Variants in USP47 observed in about 807,000 individuals in gnomAD.
USP47 encodes ubiquitin specific peptidase 47.
Under a neutral mutation model 165.1 loss-of-function variants are expected in USP47, and 35 were observed. That is an observed-to-expected ratio of 0.21 (90% confidence interval 0.16 to 0.28). USP47 has a LOEUF of 0.28. Ranked by LOEUF, USP47 falls within the 10% of genes least tolerant of loss-of-function variation. The pLI, the probability that USP47 is intolerant of heterozygous loss-of-function variation, is 1.00. For missense variants in USP47, 1,277 were observed against 1,607.4 expected (o/e 0.79, Z 3.52); for synonymous variants, 531 against 544.5 (o/e 0.98, Z 0.35).
At chr11:11,843,008 A>G (rs1374659786) in intron 1 of USP47, among the ~76,000 whole-genome samples, 2 of 152,178 alleles carry the variant, frequency 1.3e-5, no homozygotes, top group Non-Finnish European at 2.9e-5. Flanking sequence ...TCAACGTATT[A>G]ATAGTATCTC....
rs1189532364 is a variant in USP47, at chr11:11,920,412, C to A, written c.1136C>A (p.Thr379Asn). Residue 379 changes from threonine to asparagine, a missense_variant, in exon 10 of 28, where the codon ACC becomes AAC. Transcript: ENST00000527733. Reference protein sequence around the residue: ...QLKRFDFDYTTMHRIKLNDRM... With the variant: ...QLKRFDFDYTNMHRIKLNDRM... Reference sequence around the variant, plus strand: ...AAAAGATTCGATTTTGATTATACAACCATGCATAGGATTAAACTGAATGAT... The same window carrying A: ...AAAAGATTCGATTTTGATTATACAAACATGCATAGGATTAAACTGAATGAT... 1.9e-6 allele frequency: 3 copies of A among 1,611,338 alleles called. No homozygotes were observed. Among genetic ancestry groups the A allele is most frequent in the Non-Finnish European group, 2.5e-6 (3 of 1,178,382 alleles).
rs2134968733 is a variant in USP47, at chr11:11,961,866, A to G, written c.*5691A>G. Among the ~76,000 whole-genome samples the G allele has an allele frequency of 6.6e-6, 1 of 152,250 alleles. No individual in the cohort carries two copies. The highest frequency in any genetic ancestry group is 6.5e-5 in the Admixed American group (1 of 15,296). The stretch of plus-strand genomic sequence containing the variant: ...GAGAGCAGCAGCAAGGTATTCAAGC[A>G]CCACCTCCACCCAGCCCCTCCCACA... On this transcript the variant is annotated 3_prime_UTR_variant, in exon 28 of 28. Coordinates refer to ENST00000527733, the MANE Select transcript of USP47 (RefSeq NM_001282659.2).
intron 20 of USP47, 71 bp from the exon 21 acceptor site, chr11:11,947,874 A>T: frequency 6.8e-7 from 1 of 1,476,770 alleles, no homozygotes; most frequent in Non-Finnish European, 9.1e-7. Flanking sequence ...AAAGTATATG[A>T]TCTGTTTTAT....
intron 8 of USP47, among the ~76,000 whole-genome samples, chr11:11,909,525 A>C (rs1353366455): frequency 6.6e-6 from 1 of 152,216 alleles, no homozygotes; most frequent in African/African-American, 2.4e-5. Context: ...ACATTATCTA[A>C]GGAAGTGCTT....
Position 11,958,332 on chromosome 11 carries a change from A to G in USP47, c.*2157A>G, listed in dbSNP as rs1233377767. ...AGATACAAATAAGAGTAAAGAAAAT[A>G]TATTTCATTATAGAAAAGAAAAAAT... is the stretch of plus-strand genomic sequence containing the variant. On this transcript the variant is annotated 3_prime_UTR_variant, in exon 28 of 28. Transcript: ENST00000527733. 2 of 152,162 alleles carry G rather than the reference A, an allele frequency of 1.3e-5. No homozygotes were observed. The highest frequency in any genetic ancestry group is 2.9e-5 in the Non-Finnish European group (2 of 68,042). The allele number at this position is 152,162 out of a possible 1,614,324, so 9.4% of individuals were successfully genotyped here. A position where few individuals can be genotyped will look rare whatever the true frequency, so the allele number is the denominator to read the frequency against.
At chr11:11,857,023 T>G (rs780279345) in intron 1 of USP47, among the ~76,000 whole-genome samples, 5 of 152,176 alleles carry the variant, frequency 3.3e-5, no homozygotes, top group Non-Finnish European at 5.9e-5. Flanking sequence ...ATTTGAGAAT[T>G]AATGGAATCT....
At position 11,956,058 on chromosome 11, in the gene USP47, AAAAG is replaced by A; in HGVS notation, c.3956_3959del (p.Glu1319AlafsTer11). ...ATGAGCAAAGAAATGAACTGATGAA[AAAAG>A]AAAGCAGTCGACTCCAGAAGACTGG... On this transcript the variant is annotated frameshift_variant, in exon 28 of 28. Transcript: ENST00000527733. LOFTEE classifies it high-confidence loss of function. 5 of 1,603,020 alleles carry A rather than the reference AAAAG, an allele frequency of 3.1e-6. No individual in the cohort carries two copies. Among genetic ancestry groups the A allele is most frequent in the Non-Finnish European group, 4.2e-6 (5 of 1,176,944 alleles).
chr11:11,952,164 A>G (rs1856267360), intron 24 of USP47: 1 of 152,232 alleles, frequency 6.6e-6, no homozygotes, highest in African/African-American at 2.4e-5. Context: ...AGAACTGCAA[A>G]CCTGTCATTC....
intron 5 of USP47, among the ~76,000 whole-genome samples, chr11:11,901,909 A>G (rs1852252073): frequency 6.6e-6 from 1 of 151,480 alleles, no homozygotes; most frequent in South Asian, 2.1e-4. Context: ...CAGTGAGCCA[A>G]GATCATCCCA....
At chr11:11,870,436 G>C (rs187186041) in intron 1 of USP47, among the ~76,000 whole-genome samples, 11 of 152,052 alleles carry the variant, frequency 7.2e-5, no homozygotes, top group Admixed American at 7.2e-4. Context: ...CTATATTTTT[G>C]CTGTCTGTAT....
intron 1 of USP47, among the ~76,000 whole-genome samples, chr11:11,871,951 A>T (rs576209833): frequency 6.6e-6 from 1 of 152,298 alleles, no homozygotes; most frequent in African/African-American, 2.4e-5. Flanking sequence ...CACCAACAGG[A>T]TTGGAATGTT....
intron 12 of USP47, 151 bp from the exon 13 acceptor site, chr11:11,929,893 T>C (rs1854524968): frequency 5.8e-6 from 4 of 692,694 alleles, no homozygotes; most frequent in Middle Eastern, 7.8e-4. Context: ...AGCCACTGAT[T>C]ATGATTAAAT....
At chr11:11,942,265 A>G in intron 19 of USP47, 70 bp from the exon 20 acceptor site, 3 of 1,452,520 alleles carry the variant, frequency 2.1e-6, no homozygotes, top group Non-Finnish European at 1.9e-6. Flanking sequence ...TATTGATGCA[A>G]TATAATGATG....
intron 16 of USP47, among the ~76,000 whole-genome samples, chr11:11,935,729 TA>T (rs1287672250): frequency 6.6e-6 from 1 of 151,976 alleles, no homozygotes; most frequent in Non-Finnish European, 1.5e-5. Flanking sequence ...ATTGGTGACA[TA>T]AGCTATAAGG....
At chr11:11,843,107 A>C (rs144464203) in intron 1 of USP47, among the ~76,000 whole-genome samples, 5 of 152,284 alleles carry the variant, frequency 3.3e-5, no homozygotes, top group African/African-American at 1.2e-4. Flanking sequence ...TTTATTTCTC[A>C]TATACCTTAA....
chr11:11,909,650 G>T (rs1852819904), intron 8 of USP47, among the ~76,000 whole-genome samples: 1 of 151,996 alleles, frequency 6.6e-6, no homozygotes, highest in Admixed American at 6.6e-5. Context: ...TTTCTTTTAG[G>T]ATACTTTTAT....
At chr11:11,931,124 G>T (rs1854634638) in intron 14 of USP47, among the ~76,000 whole-genome samples, 1 of 151,850 alleles carries the variant, frequency 6.6e-6, no homozygotes, top group Admixed American at 6.6e-5. Context: ...AAATATCTAG[G>T]GGGGTGTGTA....
intron 11 of USP47, among the ~76,000 whole-genome samples, chr11:11,928,646 T>C (rs1854429374): frequency 6.6e-6 from 1 of 152,112 alleles, no homozygotes; most frequent in East Asian, 1.9e-4. Flanking sequence ...CCTGTTCTTT[T>C]TTTGTGATAG....
At chr11:11,934,295 A>G (rs756023334) in intron 16 of USP47, among the ~76,000 whole-genome samples, 6 of 152,192 alleles carry the variant, frequency 3.9e-5, no homozygotes, top group Non-Finnish European at 7.3e-5. Context: ...ACCAAAGTGA[A>G]CAAGGCGTGG....
Sources: allele counts gnomAD v4.1 joint callset (sites outside exome capture counted in the v4.1 genomes callset), GRCh38; gene constraint gnomAD v4.1.1; transcripts MANE v1.5; gene names NCBI Gene and HGNC (gene_info 2026-07-23, HGNC 2026-07-21).